Variants in BAG4 observed in about 807,000 individuals in gnomAD.
BAG4 encodes the protein BAG cochaperone 4, also known as BAG family molecular chaperone regulator 4.
A neutral mutation model predicts 52.1 loss-of-function variants in BAG4; 28 were observed. The observed-to-expected ratio is 0.54, with a 90% CI of 0.40 to 0.74. The LOEUF is 0.74. BAG4 is among the 30% of genes least tolerant of loss of function. The probability of loss-of-function intolerance (pLI) is 0.00; values close to 1 mark genes in which losing one functional copy is unlikely to be tolerated. For missense variants in BAG4, 525 were observed against 572.0 expected (o/e 0.92, Z 0.84); for synonymous variants, 208 against 217.0 (o/e 0.96, Z 0.37).
chr8:38,207,677 C>T lies in BAG4; in HGVS notation c.544C>T (p.Pro182Ser), dbSNP rs367677262. 47 of 1,613,974 alleles carry T rather than the reference C, an allele frequency of 2.9e-5. 1 individual carries two copies. The Admixed American group carries it at 7.8e-4, about 27-fold the overall frequency. Residue 182 changes from proline (P) to serine (S), a missense_variant, in exon 3 of 5, where the codon CCA becomes TCA. Physicochemically the swap from Pro to Ser is moderately conservative, Grantham distance 74. Around this residue, in one of 2 missense-constraint regions of BAG4, gnomAD observed 287 missense variants for 266.1 expected, o/e 1.08. Transcript: ENST00000287322. ...CCGTTCATCTGGCAACAGCCCAACT[C>T]CAGTCTCTCGTTGGATCTATCCCCA... Reference protein sequence around the residue: ...TYRSSGNSPTPVSRWIYPQQD... With the variant: ...TYRSSGNSPTSVSRWIYPQQD...
At chr8:38,195,517 C>G (rs889743731) in intron 2 of BAG4, among the ~76,000 whole-genome samples, 1 of 152,270 alleles carries the variant, frequency 6.6e-6, no homozygotes, top group East Asian at 1.9e-4. Context: ...TTTCAAACCC[C>G]TAGCCTCAAG....
chr8:38,209,585 C>T, intron 4 of BAG4: 1 of 390,370 alleles, frequency 2.6e-6, no homozygotes. Context: ...GAAGACAAAA[C>T]CAATGTGAAA....
At chr8:38,205,202 ATTTTTTTTTTTTTTTTTT>A (rs35284937) in intron 2 of BAG4, among the ~76,000 whole-genome samples, 1 of 79,240 alleles carries the variant, frequency 1.3e-5, no homozygotes, top group Middle Eastern at 0.013. Context: ...CAGCTAATTA[ATTTTTTTTTTTTTTTTTT>A]TTTTTTTTTT....
intron 2 of BAG4, among the ~76,000 whole-genome samples, chr8:38,206,955 T>TC: frequency 6.7e-6 from 1 of 149,002 alleles, no homozygotes; most frequent in East Asian, 2.0e-4. Flanking sequence ...TAATTTTTTT[T>TC]TTTTTTTTTT....
At chr8:38,181,185 C>T (rs1195536281) in intron 1 of BAG4, among the ~76,000 whole-genome samples, 1 of 151,556 alleles carries the variant, frequency 6.6e-6, no homozygotes, top group Non-Finnish European at 1.5e-5. Flanking sequence ...TCGTGATCCG[C>T]CCGCCTTGGC....
chr8:38,197,033 G>C (rs1454623505), intron 2 of BAG4, among the ~76,000 whole-genome samples: 1 of 152,078 alleles, frequency 6.6e-6, no homozygotes, highest in African/African-American at 2.4e-5. Flanking sequence ...GCCGAGATGA[G>C]ATCACGCCAT....
At chr8:38,208,027 T>C (rs868346724) in intron 3 of BAG4, among the ~76,000 whole-genome samples, 8 of 151,884 alleles carry the variant, frequency 5.3e-5, no homozygotes, top group Middle Eastern at 3.4e-3. Context: ...CCTTTTTTTT[T>C]TTTTTGTGGC....
At chr8:38,207,823 A>G (rs1803798922) in intron 3 of BAG4, 57 bp downstream of exon 3, 1 of 1,588,384 alleles carries the variant, frequency 6.3e-7, no homozygotes, top group African/African-American at 1.3e-5. Flanking sequence ...TCTTGTAAAC[A>G]GTGGAAGAGC....
intron 4 of BAG4, among the ~76,000 whole-genome samples, 169 bp from the exon 5 acceptor site, chr8:38,209,839 T>C (rs1248724110): frequency 6.6e-6 from 1 of 152,172 alleles, no homozygotes; most frequent in East Asian, 1.9e-4. Flanking sequence ...TTTTATCTTC[T>C]TAGGACTGTG....
At chr8:38,196,502 A>T (rs925044833) in intron 2 of BAG4, among the ~76,000 whole-genome samples, 5 of 151,800 alleles carry the variant, frequency 3.3e-5, no homozygotes, top group African/African-American at 4.8e-5. Flanking sequence ...AAATGCAAAA[A>T]ATTAGCCGGG....
chr8:38,200,789 G>T (rs559432775), intron 2 of BAG4, among the ~76,000 whole-genome samples: 327 of 152,050 alleles, frequency 2.2e-3, no homozygotes, highest in Non-Finnish European at 3.8e-3. Context: ...GTACAGATGG[G>T]GTTTCTCCAT....
chr8:38,188,173 G>A (rs1803399673), intron 1 of BAG4, among the ~76,000 whole-genome samples: 1 of 151,050 alleles, frequency 6.6e-6, no homozygotes, highest in South Asian at 2.1e-4. Flanking sequence ...AAAGAAAGCA[G>A]TAAAGGTGGA....
At chr8:38,178,316 G>A (rs555673945) in intron 1 of BAG4, among the ~76,000 whole-genome samples, 3 of 152,148 alleles carry the variant, frequency 2.0e-5, no homozygotes, top group Non-Finnish European at 2.9e-5. Flanking sequence ...CATCACACCC[G>A]GCTAATTTTT....
chr8:38,180,799 G>C (rs1803251476), intron 1 of BAG4, among the ~76,000 whole-genome samples: 1 of 151,874 alleles, frequency 6.6e-6, no homozygotes, highest in Non-Finnish European at 1.5e-5. Context: ...AAGATCCCCA[G>C]GTGATTCATA....
chr8:38,210,376 A>G lies in BAG4; in HGVS notation c.1257A>G (p.Glu419=), dbSNP rs1803846347. 3.1e-6 allele frequency: 5 copies of G among 1,614,032 alleles called. No homozygotes were observed. Among genetic ancestry groups the G allele is most frequent in the Non-Finnish European group, 3.4e-6 (4 of 1,180,028 alleles). The change falls in exon 5 of 5, where the codon GAA becomes GAG. Residue 419 remains glutamate (E), a synonymous_variant. Coordinates refer to ENST00000287322, the MANE Select transcript of BAG4 (RefSeq NM_004874.4). ...TTCTGGAAGAAATGCTAACCAAGGA[A>G]CTTTTGGAACTGGATTCAGTTGAAA... ...YWLLEEMLTK[E]LLELDSVETG... is the part of the protein sequence containing the mutation.
At chr8:38,184,671 G>T (rs184802027) in intron 1 of BAG4, among the ~76,000 whole-genome samples, 1 of 152,240 alleles carries the variant, frequency 6.6e-6, no homozygotes, top group African/African-American at 2.4e-5. Context: ...CAGACAGGAA[G>T]AAGCAAGTCC....
At chr8:38,181,028 C>T (rs969705202) in intron 1 of BAG4, among the ~76,000 whole-genome samples, 1 of 151,562 alleles carries the variant, frequency 6.6e-6, no homozygotes, top group Non-Finnish European at 1.5e-5. Context: ...GCAAGCTCCG[C>T]CTCTTGGGTT....
chr8:38,192,568 A>G (rs1454704527), intron 1 of BAG4, 120 bp from the exon 2 acceptor site: 2 of 755,496 alleles, frequency 2.6e-6, no homozygotes, highest in Non-Finnish European at 4.0e-6. Context: ...CACTGTGCCC[A>G]GCTTATTGCT....
intron 1 of BAG4, among the ~76,000 whole-genome samples, chr8:38,178,791 T>G (rs1018908807): frequency 6.6e-6 from 1 of 152,082 alleles, no homozygotes; most frequent in African/African-American, 2.4e-5. Context: ...TGCCAGAGGT[T>G]GGGGGACTGG....
Sources: allele counts gnomAD v4.1 joint callset (sites outside exome capture counted in the v4.1 genomes callset), GRCh38; gene constraint gnomAD v4.1.1; regional missense constraint gnomAD v4.1.1; transcripts MANE v1.5; gene names NCBI Gene and HGNC (gene_info 2026-07-23, HGNC 2026-07-21).